Variants in COX5B observed in about 807,000 individuals in gnomAD.
COX5B encodes cytochrome c oxidase subunit 5B, mitochondrial.
A neutral mutation model predicts 16.2 loss-of-function variants in COX5B; 8 were observed. The observed-to-expected ratio is 0.49, with a 90% confidence interval of 0.29 to 0.89. COX5B has a LOEUF of 0.89. Ranked by LOEUF, COX5B falls within the 40% of genes least tolerant of loss-of-function variation. The probability of loss-of-function intolerance (pLI) is 0.08; values close to 1 mark genes in which losing one functional copy is unlikely to be tolerated. For synonymous variants in COX5B, 65 were observed against 67.6 expected (o/e 0.96, Z 0.19); for missense variants, 161 against 168.7 (o/e 0.95, Z 0.25).
chr2:97,647,483 A>G, intron 3 of COX5B, 40 bp downstream of exon 3: 2 of 1,505,418 alleles, frequency 1.3e-6, no homozygotes, highest in Non-Finnish European at 9.2e-7. Flanking sequence ...CTTGCTTAAT[A>G]TATCCTACAA....
At chr2:97,646,645 C>T in intron 1 of COX5B, 1 of 209,302 alleles carries the variant, frequency 4.8e-6, no homozygotes, top group South Asian at 7.0e-5. Context: ...GTCAGGAGCT[C>T]AAGACCAGCC....
chr2:97,647,354 ATG>A lies in COX5B; in HGVS notation c.190_191del (p.Val64ThrfsTer14). 6.2e-7 allele frequency: 1 copy of A among 1,613,814 alleles called. No homozygotes were observed. Among genetic ancestry groups the A allele is most frequent in the Non-Finnish European group, 8.5e-7 (1 of 1,179,906 alleles). On this transcript the variant is annotated frameshift_variant, in exon 3 of 4. Coordinates refer to ENST00000258424, the MANE Select transcript of COX5B (RefSeq NM_001862.3). LOFTEE classifies it high-confidence loss of function. ...TTGTTTTTTCTTCAGGACCCATACA[ATG>A]TACTGGCCCCAAAGGGAGCTTCAGG...
rs1269224738 is a variant in COX5B, at chr2:97,646,906, G to T, written c.104-161G>T. 6.3e-6 allele frequency: 4 copies of T among 633,948 alleles called. No homozygotes were observed. In the East Asian group the frequency reaches 8.8e-5, roughly 14 times the overall value. The allele number at this position is 633,948 out of a possible 1,614,324, so 39.3% of individuals were successfully genotyped here. A position where few individuals can be genotyped will look rare whatever the true frequency, so the allele number is the denominator to read the frequency against. On this transcript the variant is annotated intron_variant, in intron 1 of 3. Coordinates refer to ENST00000258424, the MANE Select transcript of COX5B (RefSeq NM_001862.3). Reference sequence around the variant, plus strand: ...CCGCTTGTGTGGATGGGTACTTGGTGGTTCTTAGGGGACCATGGATATGAG... The same window carrying T: ...CCGCTTGTGTGGATGGGTACTTGGTTGTTCTTAGGGGACCATGGATATGAG...
chr2:97,647,508 C>T, intron 3 of COX5B, 65 bp downstream of exon 3: 3 of 1,369,234 alleles, frequency 2.2e-6, no homozygotes, highest in South Asian at 1.2e-5. Context: ...GTGTAAGCTG[C>T]CTCAAATCTT....
rs568127599 is a variant in COX5B, at chr2:97,648,043, G to A, written c.325G>A (p.Glu109Lys). 21 of 1,613,618 alleles carry A rather than the reference G, an allele frequency of 1.3e-5. No individual in the cohort carries two copies. In the Admixed American group the frequency reaches 1.3e-4, roughly 10 times the overall value. ...SVVWFWLHKG[E>K]AQRCPRCGAH... The stretch of plus-strand genomic sequence containing the variant: ...CGTCTGGTTTTGGCTGCACAAAGGC[G>A]AGGCCCAGCGATGCCCCCGCTGTGG... The change falls in exon 4 of 4, where the codon GAG becomes AAG. Residue 109 changes from glutamate to lysine, a missense_variant. Transcript: ENST00000258424.
Position 97,648,147 on chromosome 2 carries a change from T to C in COX5B, c.*39T>C. 6.6e-7 allele frequency: 1 copy of C among 1,522,534 alleles called. No individual in the cohort carries two copies. Among genetic ancestry groups the C allele is most frequent in the Non-Finnish European group, 8.9e-7 (1 of 1,126,906 alleles). The allele number at this position is 1,522,534 out of a possible 1,614,324, so 94.3% of individuals were successfully genotyped here. A position where few individuals can be genotyped will look rare whatever the true frequency, so the allele number is the denominator to read the frequency against. Reference sequence around the variant, plus strand: ...ATTACTCAAAATGTGCTGTAAAGTTTCTTCTTTCCAGTAAAGACTAGCCAT... The same window carrying C: ...ATTACTCAAAATGTGCTGTAAAGTTCCTTCTTTCCAGTAAAGACTAGCCAT... On this transcript the variant is annotated 3_prime_UTR_variant, in exon 4 of 4. Coordinates refer to ENST00000258424, the MANE Select transcript of COX5B (RefSeq NM_001862.3).
Position 97,648,010 on chromosome 2 carries a change from A to G in COX5B, c.292A>G (p.Thr98Ala). ...TTCCCTTTTAGGTGAAGAGGACAAT[A>G]CCAGCGTCGTCTGGTTTTGGCTGCA... ...IVGCICEEDN[T>A]SVVWFWLHKG... Residue 98 changes from threonine to alanine, a missense_variant, in exon 4 of 4, where the codon ACC becomes GCC. Physicochemically the swap from Thr to Ala is moderately conservative, Grantham distance 58. Transcript: ENST00000258424. 1 of 1,613,912 alleles carries G rather than the reference A, an allele frequency of 6.2e-7. No homozygotes were observed. Among genetic ancestry groups the G allele is most frequent in the Non-Finnish European group, 8.5e-7 (1 of 1,179,936 alleles).
intron 2 of COX5B, 63 bp from the exon 3 acceptor site, chr2:97,647,281 A>G (rs1674675055): frequency 1.0e-5 from 16 of 1,556,812 alleles, no homozygotes; most frequent in Non-Finnish European, 1.4e-5. Context: ...GGTAGGGCTT[A>G]TTTGGCCTAA....
At chr2:97,647,890 A>C (rs1674685806) in intron 3 of COX5B, 106 bp from the exon 4 acceptor site, 1 of 956,954 alleles carries the variant, frequency 1.0e-6, no homozygotes, top group Admixed American at 2.2e-5. Context: ...TAAGATATCA[A>C]CCATAGTCTT....
At chr2:97,646,274 A>C (rs1219961500) in intron 1 of COX5B, 85 bp downstream of exon 1, 1 of 869,062 alleles carries the variant, frequency 1.2e-6, no homozygotes, top group Non-Finnish European at 1.7e-6. Context: ...CGGCTCGTGC[A>C]GCTTCTCGAG....
chr2:97,647,765 A>G (rs1352580394), intron 3 of COX5B, among the ~76,000 whole-genome samples: 1 of 152,202 alleles, frequency 6.6e-6, no homozygotes, highest in Non-Finnish European at 1.5e-5. Flanking sequence ...CTACATAGGC[A>G]AGGGAATTGT....
chr2:97,646,965 T>G, intron 1 of COX5B, 102 bp from the exon 2 acceptor site: 6 of 1,213,800 alleles, frequency 4.9e-6, no homozygotes, highest in Non-Finnish European at 7.2e-6. Flanking sequence ...CGCTAAAACT[T>G]ATACAGAAGT....
rs946961796 is a variant in COX5B at position 97,647,549 on chromosome 2, C to G, written c.277+106C>G. The G allele has an allele frequency of 4.1e-6, 4 of 981,218 alleles. No homozygotes were observed. In the African/African-American group the frequency reaches 6.5e-5, roughly 16 times the overall value. 60.8% of individuals were successfully genotyped at this position (981,218 alleles called of 1,614,324 possible). A position where few individuals can be genotyped will look rare whatever the true frequency, so the allele number is the denominator to read the frequency against. On this transcript the variant is annotated intron_variant, in intron 3 of 3. Coordinates refer to ENST00000258424, the MANE Select transcript of COX5B (RefSeq NM_001862.3). ...TGTGAGTGCATGTTGGTAAGTTTGT[C>G]TAAGGGTCTTGACACTCTCAAGCCT...
In COX5B at chr2:97,648,059, C is replaced by T. The variant is rs770573851; in HGVS notation, c.341C>T (p.Pro114Leu). Residue 114 changes from proline (P) to leucine (L), a missense_variant, in exon 4 of 4, where the codon CCC becomes CTC. Pro to Leu is a moderately conservative substitution (Grantham distance 98). Coordinates refer to ENST00000258424, the MANE Select transcript of COX5B (RefSeq NM_001862.3). ...CACAAAGGCGAGGCCCAGCGATGCCCCCGCTGTGGAGCCCATTACAAGCTG... is the reference window on the plus strand; with the variant it reads ...CACAAAGGCGAGGCCCAGCGATGCCTCCGCTGTGGAGCCCATTACAAGCTG... ...WLHKGEAQRCPRCGAHYKLVP... is the reference protein window; with the variant it reads ...WLHKGEAQRCLRCGAHYKLVP... 1.2e-6 allele frequency: 2 copies of T among 1,613,252 alleles called. No individual in the cohort carries two copies. The highest frequency in any genetic ancestry group is 2.7e-5 in the African/African-American group (2 of 74,886).
Position 97,647,987 on chromosome 2 carries a change from C to A in COX5B, c.278-9C>A. 6.2e-7 allele frequency: 1 copy of A among 1,609,656 alleles called. No homozygotes were observed. Among genetic ancestry groups the A allele is most frequent in the Non-Finnish European group, 8.5e-7 (1 of 1,178,720 alleles). ...TGGATGACCATAAACCACCTTTTTT[C>A]CCTTTTAGGTGAAGAGGACAATACC... On this transcript the variant is annotated splice_polypyrimidine_tract_variant and intron_variant, in intron 3 of 3. Coordinates refer to ENST00000258424, the MANE Select transcript of COX5B (RefSeq NM_001862.3).
In COX5B at chr2:97,647,459, C is replaced by T; in HGVS notation, c.277+16C>T. 1.3e-6 allele frequency: 2 copies of T among 1,592,040 alleles called. No individual in the cohort carries two copies. The highest frequency in any genetic ancestry group is 2.2e-5 in the South Asian group (2 of 89,966). On this transcript the variant is annotated intron_variant, in intron 3 of 3. Transcript: ENST00000258424. Reference sequence around the variant, plus strand: ...GGCTGCATCTGTAAGTACCTCACCTCTATTTTTTATCCACTTGCTTAATAT... The same window carrying T: ...GGCTGCATCTGTAAGTACCTCACCTTTATTTTTTATCCACTTGCTTAATAT...
At chr2:97,646,461 G>T (rs1674655593) in intron 1 of COX5B, 2 of 457,172 alleles carry the variant, frequency 4.4e-6, no homozygotes, top group Non-Finnish European at 7.8e-6. Context: ...GGAGGGGTCC[G>T]GCCTCCCTTC....
rs1022347553 is a variant in COX5B at position 97,648,353 on chromosome 2, G to T, written c.*245G>T. The T allele has an allele frequency of 2.5e-6, 1 of 407,566 alleles. No individual in the cohort carries two copies. Among genetic ancestry groups the T allele is most frequent in the Non-Finnish European group, 4.3e-6 (1 of 232,604 alleles). 25.2% of individuals were successfully genotyped at this position (407,566 alleles called of 1,614,324 possible). A position where few individuals can be genotyped will look rare whatever the true frequency, so the allele number is the denominator to read the frequency against. On this transcript the variant is annotated 3_prime_UTR_variant, in exon 4 of 4. Coordinates refer to ENST00000258424, the MANE Select transcript of COX5B (RefSeq NM_001862.3). ...AATAATAAGAATAGATCGACAACCC[G>T]TAATGCAATGAATGGGACCACCTGG...
rs879388478 is a variant in COX5B, at chr2:97,648,323, A to C, written c.*215A>C. On this transcript the variant is annotated 3_prime_UTR_variant, in exon 4 of 4. Coordinates refer to ENST00000258424, the MANE Select transcript of COX5B (RefSeq NM_001862.3). ...AGTGTATAACCAGTGTATAGTGCTT[A>C]GATTAATAATAAGAATAGATCGACA... 1 of 498,618 alleles carries C rather than the reference A, an allele frequency of 2.0e-6. No homozygotes were observed. Among genetic ancestry groups the C allele is most frequent in the Non-Finnish European group, 3.5e-6 (1 of 286,040 alleles). 30.9% of individuals were successfully genotyped at this position (498,618 alleles called of 1,614,324 possible).
Sources: allele counts gnomAD v4.1 joint callset (sites outside exome capture counted in the v4.1 genomes callset), GRCh38; gene constraint gnomAD v4.1.1; transcripts MANE v1.5; gene names NCBI Gene and HGNC (gene_info 2026-07-23, HGNC 2026-07-21).